TNR: variants seen among roughly 807,000 people sequenced by gnomAD.
TNR encodes tenascin R.
In TNR, 45 loss-of-function variants were observed where a neutral mutation model predicts 150.4. That is an observed-to-expected ratio of 0.30 (90% CI 0.24 to 0.38). The LOEUF (loss-of-function observed/expected upper bound fraction) is 0.38, where lower values mean the gene tolerates loss of function less well. TNR is among the 10% of genes least tolerant of loss of function. The probability of loss-of-function intolerance (pLI) is 1.00; values close to 1 mark genes in which losing one functional copy is unlikely to be tolerated. For missense variants in TNR, 1,544 were observed against 1,759.1 expected (o/e 0.88, Z 2.19); for synonymous variants, 687 against 678.4 (o/e 1.01, Z -0.20).
At chr1:175,328,948 G>A (rs757509767) in intron 21 of TNR, among the ~76,000 whole-genome samples, 13 of 152,168 alleles carry the variant, frequency 8.5e-5, no homozygotes, top group Admixed American at 4.6e-4. Flanking sequence ...GATTTAGTCC[G>A]GCATCTTGTT....
intron 1 of TNR, among the ~76,000 whole-genome samples, chr1:175,595,611 A>G (rs1004577522): frequency 6.6e-5 from 10 of 152,214 alleles, no homozygotes; most frequent in Non-Finnish European, 1.3e-4. Flanking sequence ...CTGGCTTTCA[A>G]TGGTCTGTCC....
At chr1:175,632,737 A>G (rs571398397) in intron 1 of TNR, among the ~76,000 whole-genome samples, 1 of 152,254 alleles carries the variant, frequency 6.6e-6, no homozygotes, top group Admixed American at 6.5e-5. Context: ...TATTGTGCCT[A>G]TTTTCCAGAT....
In TNR at chr1:175,322,271, G is replaced by A. The variant is rs1224842647; in HGVS notation, c.*1086C>T. The A allele has an allele frequency of 6.6e-6, 1 of 152,230 alleles. No homozygotes were observed. Among genetic ancestry groups the A allele is most frequent in the Non-Finnish European group, 1.5e-5 (1 of 68,056 alleles). 9.4% of individuals were successfully genotyped at this position (152,230 alleles called of 1,614,324 possible). ...GTGGCTGATGACTCACAGGCACATA[G>A]CCACTGTGCCACCCAGGGCCAGGAG... On this transcript the variant is annotated 3_prime_UTR_variant, in exon 23 of 23. Transcript: ENST00000367674.
intron 2 of TNR, among the ~76,000 whole-genome samples, chr1:175,420,098 C>G (rs1368950828): frequency 6.6e-6 from 1 of 152,186 alleles, no homozygotes; most frequent in Non-Finnish European, 1.5e-5. Flanking sequence ...GTGACCTTCT[C>G]TACACCACTG....
chr1:175,741,898 C>T (rs963049981), intron 1 of TNR, among the ~76,000 whole-genome samples: 1 of 152,200 alleles, frequency 6.6e-6, no homozygotes, highest in Non-Finnish European at 1.5e-5. Context: ...TCTCCCCTGT[C>T]TCAACACACT....
chr1:175,569,495 G>T (rs1005053052), intron 1 of TNR, among the ~76,000 whole-genome samples: 4 of 152,222 alleles, frequency 2.6e-5, no homozygotes, highest in Non-Finnish European at 4.4e-5. Flanking sequence ...CGATATAATT[G>T]TTGGGACAAG....
In TNR at chr1:175,363,735, A is replaced by C; in HGVS notation, c.2680T>G (p.Tyr894Asp). The C allele has an allele frequency of 6.2e-7, 1 of 1,613,960 alleles. No individual in the cohort carries two copies. The highest frequency in any genetic ancestry group is 8.5e-7 in the Non-Finnish European group (1 of 1,179,866). ...WSPPVASFDY[Y>D]RVSYRPTQVG... is the part of the protein sequence containing the mutation. ...TGGGTGGGTCGATATGATACTCGGTAGTAATCGAAAGATGCAACAGGAGGG... is the reference window on the plus strand; with the variant it reads ...TGGGTGGGTCGATATGATACTCGGTCGTAATCGAAAGATGCAACAGGAGGG... The change falls in exon 13 of 23, where the codon TAC becomes GAC. Residue 894 changes from tyrosine (Y) to aspartate (D), a missense_variant. Physicochemically the swap from Tyr to Asp is radical, Grantham distance 160. Around this residue, in one of 2 missense-constraint regions of TNR, gnomAD observed 1,254 missense variants for 1,329.4 expected, o/e 0.94. Coordinates refer to ENST00000367674, the MANE Select transcript of TNR (RefSeq NM_003285.3).
In TNR at chr1:175,579,165, T is replaced by TTTCCTTCCTTCCTTCCTTCCTTCCTTCC. The variant is rs60083467; in HGVS notation, c.-164-50824_-164-50797dup. 6.7e-3 allele frequency among the ~76,000 whole-genome samples: 901 copies of TTTCCTTCCTTCCTTCCTTCCTTCCTTCC among 134,446 alleles called. 7 individuals are homozygous for TTTCCTTCCTTCCTTCCTTCCTTCCTTCC. Among genetic ancestry groups the TTTCCTTCCTTCCTTCCTTCCTTCCTTCC allele is most frequent in the South Asian group, 0.013 (47 of 3,668 alleles). The allele number at this position is 134,446 out of a possible 152,430, so 88.2% of individuals were successfully genotyped here. A position where few individuals can be genotyped will look rare whatever the true frequency, so the allele number is the denominator to read the frequency against. On this transcript the variant is annotated intron_variant, in intron 1 of 22. Transcript: ENST00000367674. The stretch of plus-strand genomic sequence containing the variant: ...CTCCTATCCTTCCCTTCGTTCCTTC[T>TTTCCTTCCTTCCTTCCTTCCTTCCTTCC]TTCCTTCCTTCCTTCCTTCCTTCCT...
At chr1:175,439,660 A>T (rs1224673596) in intron 2 of TNR, among the ~76,000 whole-genome samples, 1 of 152,258 alleles carries the variant, frequency 6.6e-6, no homozygotes, top group East Asian at 1.9e-4. Flanking sequence ...ATCTACAAGG[A>T]ACTTAAACAA....
At chr1:175,458,250 T>C (rs999897423) in intron 2 of TNR, among the ~76,000 whole-genome samples, 2 of 152,226 alleles carry the variant, frequency 1.3e-5, no homozygotes, top group Non-Finnish European at 2.9e-5. Flanking sequence ...ATTAATGTTA[T>C]GATTACTGTG....
chr1:175,741,821 A>G (rs1003157976), intron 1 of TNR, among the ~76,000 whole-genome samples: 1 of 152,210 alleles, frequency 6.6e-6, no homozygotes. Context: ...AAAATAAGAC[A>G]AAGAATCACC....
chr1:175,574,349 G>A (rs1662016115), intron 1 of TNR, among the ~76,000 whole-genome samples: 1 of 152,024 alleles, frequency 6.6e-6, no homozygotes, highest in Non-Finnish European at 1.5e-5. Context: ...TTAAGAAAAG[G>A]TATAAGATAA....
intron 2 of TNR, among the ~76,000 whole-genome samples, chr1:175,523,028 C>T (rs1047071227): frequency 5.3e-5 from 8 of 152,188 alleles, no homozygotes; most frequent in South Asian, 2.1e-4. Flanking sequence ...GGACTCTGCA[C>T]GTGGGTCCCA....
In TNR at chr1:175,632,911, G is replaced by A. The variant is rs577650736; in HGVS notation, c.-164-104542C>T. On this transcript the variant is annotated intron_variant, in intron 1 of 22. Transcript: ENST00000367674. ...TGTACCACACTGCCTCCCTATACAA[G>A]GTTATGATGTCTCTTCCCCTAAAGG... Among the ~76,000 whole-genome samples, 125 of 152,238 alleles carry A rather than the reference G, an allele frequency of 8.2e-4. 1 individual carries two copies. The highest frequency in any genetic ancestry group is 4.1e-4 in the Non-Finnish European group (28 of 68,024).
intron 2 of TNR, among the ~76,000 whole-genome samples, chr1:175,468,197 T>C (rs1040871795): frequency 6.6e-6 from 1 of 152,046 alleles, no homozygotes; most frequent in Admixed American, 6.5e-5. Flanking sequence ...GTGAAGGAGA[T>C]AGCACAGAGT....
At chr1:175,325,848 T>C in intron 21 of TNR, among the ~76,000 whole-genome samples, 1 of 146,890 alleles carries the variant, frequency 6.8e-6, no homozygotes, top group East Asian at 2.1e-4. Context: ...GTGGGGAACA[T>C]CACACACCAG....
chr1:175,733,413 GA>G (rs2101955698), intron 1 of TNR, among the ~76,000 whole-genome samples: 1 of 152,324 alleles, frequency 6.6e-6, no homozygotes, highest in South Asian at 2.1e-4. Flanking sequence ...TGCTGCTTGG[GA>G]GGGCTCTGTT....
chr1:175,619,975 A>C (rs574990145), intron 1 of TNR, among the ~76,000 whole-genome samples: 11 of 152,358 alleles, frequency 7.2e-5, no homozygotes, highest in African/African-American at 2.6e-4. Context: ...CATCTATAAA[A>C]TGGGATTAAT....
chr1:175,417,130 T>C (rs1190277635), intron 2 of TNR, among the ~76,000 whole-genome samples: 2 of 152,026 alleles, frequency 1.3e-5, no homozygotes, highest in Non-Finnish European at 2.9e-5. Flanking sequence ...TTGAGAAGAC[T>C]AGGCTAATAC....
Sources: gnomAD v4.1 joint callset for allele counts (sites outside exome capture counted in the v4.1 genomes callset) on GRCh38, gnomAD v4.1.1 for gene constraint, gnomAD v4.1.1 regional missense constraint, MANE v1.5 for transcripts, NCBI Gene and HGNC (gene_info 2026-07-23, HGNC 2026-07-21) for gene names.